The following ANKRD36C variants were observed in gnomAD, a reference collection of about 807,000 sequenced individuals.
ANKRD36C encodes ankyrin repeat domain-containing protein 36C.
Under a neutral mutation model 276.4 loss-of-function variants are expected in ANKRD36C, and 61 were observed. The observed-to-expected ratio is 0.22, with a 90% CI of 0.18 to 0.27. The LOEUF is 0.27. Among genes scored for constraint, ANKRD36C ranks in the 10% least tolerant of loss-of-function variants. The pLI is 1.00. For missense variants in ANKRD36C, 1,447 were observed against 2,032.3 expected, an observed-to-expected ratio of 0.71 and a Z score of 5.54; for synonymous variants, 483 against 680.1, an observed-to-expected ratio of 0.71 and a Z score of 4.51.
intron 38 of ANKRD36C, among the ~76,000 whole-genome samples, chr2:95,914,879 C>T (rs1380749960): frequency 6.6e-6 from 1 of 151,508 alleles, no homozygotes; most frequent in Non-Finnish European, 1.5e-5. Context: ...TTCATTATCT[C>T]TCACACCCAT....
chr2:95,945,372 C>T (rs76125548), intron 17 of ANKRD36C, among the ~76,000 whole-genome samples, 198 bp from the exon 18 acceptor site: 73 of 144,180 alleles, frequency 5.1e-4, no homozygotes, highest in Non-Finnish European at 7.5e-4. Context: ...TACAGATATT[C>T]TCAAAATGTT....
At position 95,867,689 on chromosome 2, in the gene ANKRD36C, G is replaced by T; in HGVS notation, c.3541-108C>A. On this transcript the variant is annotated intron_variant, in intron 59 of 66. Transcript: ENST00000456556. Reference sequence around the variant, plus strand: ...TCTGTTTATATGAGCACAAACACAGGTACCTGTTCTGTACTTTTTTTTTAA... The same window carrying T: ...TCTGTTTATATGAGCACAAACACAGTTACCTGTTCTGTACTTTTTTTTTAA... 8 of 1,512,692 alleles carry T rather than the reference G, an allele frequency of 5.3e-6. No homozygotes were observed. In the South Asian group the frequency reaches 8.9e-5, roughly 17 times the overall value. The allele number at this position is 1,512,692 out of a possible 1,614,324, so 93.7% of individuals were successfully genotyped here. A position where few individuals can be genotyped will look rare whatever the true frequency, so the allele number is the denominator to read the frequency against.
At position 95,914,071 on chromosome 2, in the gene ANKRD36C, C is replaced by A. The variant is rs766791198; in HGVS notation, c.2551+37G>T. 1.1e-5 allele frequency: 16 copies of A among 1,521,936 alleles called. No individual in the cohort carries two copies. The African/African-American group carries it at 1.8e-4, about 17-fold the overall frequency. The allele number at this position is 1,521,936 out of a possible 1,614,324, so 94.3% of individuals were successfully genotyped here. ...AGGGAAGAGAATTTCTTATCTATCT[C>A]GACTGATCATGACATTAAATCTCTT... On this transcript the variant is annotated intron_variant, in intron 40 of 66. Transcript: ENST00000456556.
exon 63 of ANKRD36C, chr2:95,855,278 T>G (rs1675381982): frequency 6.3e-7 from 1 of 1,590,082 alleles, no homozygotes; most frequent in Non-Finnish European, 8.5e-7. Context: ...CTCTTTCTGC[T>G]TTCTCTTTTT....
intron 62 of ANKRD36C, 79 bp from the exon 83 acceptor site, chr2:95,856,259 C>T: frequency 2.5e-6 from 4 of 1,584,504 alleles, no homozygotes; most frequent in Non-Finnish European, 3.4e-6. Flanking sequence ...TAAATAATAA[C>T]CCGAACATTT....
At chr2:95,857,214 T>G (rs1675434296) in intron 62 of ANKRD36C, 95 bp downstream of exon 82, 1 of 1,379,846 alleles carries the variant, frequency 7.2e-7, no homozygotes, top group African/African-American at 1.5e-5. Context: ...ATTTGGGGAT[T>G]GTTCAGGCCT....
intron 6 of ANKRD36C, among the ~76,000 whole-genome samples, chr2:95,970,007 C>T (rs1255485737): frequency 2.0e-5 from 3 of 152,086 alleles, no homozygotes; most frequent in African/African-American, 7.2e-5. Flanking sequence ...ATCTATCCCC[C>T]ATGTGTAAGA....
At chr2:95,863,970 C>T (rs1281862158) in intron 60 of ANKRD36C, among the ~76,000 whole-genome samples, 9 of 151,938 alleles carry the variant, frequency 5.9e-5, no homozygotes, top group South Asian at 4.1e-4. Context: ...AAATTATGGG[C>T]TTGGGGTGAT....
At chr2:95,912,586 G>A (rs1462810345) in intron 40 of ANKRD36C, among the ~76,000 whole-genome samples, 151 bp from the exon 43 acceptor site, 1 of 151,360 alleles carries the variant, frequency 6.6e-6, no homozygotes, top group Non-Finnish European at 1.5e-5. Flanking sequence ...ACCAGAACGT[G>A]ACAGAAACAC....
chr2:95,919,416 T>C (rs1158913108), intron 34 of ANKRD36C, among the ~76,000 whole-genome samples: 2 of 133,290 alleles, frequency 1.5e-5, no homozygotes, highest in Non-Finnish European at 1.7e-5. Context: ...CTTCCACCCT[T>C]AGTGAAACCA....
At chr2:95,875,102 C>G (rs1314157717) in intron 59 of ANKRD36C, among the ~76,000 whole-genome samples, 1 of 152,156 alleles carries the variant, frequency 6.6e-6, no homozygotes, top group East Asian at 1.9e-4. Flanking sequence ...CTAGTTCAAC[C>G]ATTGTGGAAG....
chr2:95,871,540 C>A (rs920082651), intron 59 of ANKRD36C, among the ~76,000 whole-genome samples: 1 of 151,922 alleles, frequency 6.6e-6, no homozygotes, highest in African/African-American at 2.4e-5. Context: ...AAGGAACAAC[C>A]GGTACCAGCC....
At chr2:95,883,050 T>A (rs1223267708) in intron 54 of ANKRD36C, among the ~76,000 whole-genome samples, 2 of 152,116 alleles carry the variant, frequency 1.3e-5, no homozygotes, top group African/African-American at 4.8e-5. Context: ...GTTTGGATAA[T>A]CCTGTATACA....
intron 20 of ANKRD36C, among the ~76,000 whole-genome samples, chr2:95,939,861 A>G (rs1426001896): frequency 6.6e-6 from 1 of 152,270 alleles, no homozygotes; most frequent in East Asian, 1.9e-4. Flanking sequence ...CAGCTTCTGG[A>G]TTCTCAACTT....
chr2:95,967,251 C>A (rs1038035465), intron 6 of ANKRD36C, among the ~76,000 whole-genome samples: 3 of 152,066 alleles, frequency 2.0e-5, no homozygotes, highest in African/African-American at 7.2e-5. Flanking sequence ...GTCCATCTGA[C>A]AAAGGCCTAA....
At chr2:95,878,161 G>A (rs1457832404) in intron 58 of ANKRD36C, among the ~76,000 whole-genome samples, 2 of 147,466 alleles carry the variant, frequency 1.4e-5, no homozygotes, top group Admixed American at 6.8e-5. Flanking sequence ...TCCAGGCTGG[G>A]AGACAGAGCA....
chr2:95,973,327 G>A (rs183583388), intron 6 of ANKRD36C, among the ~76,000 whole-genome samples: 14 of 151,602 alleles, frequency 9.2e-5, no homozygotes, highest in South Asian at 6.2e-4. Flanking sequence ...CAGGAGAAGC[G>A]CTTGAACCCA....
Position 95,912,334 on chromosome 2 carries a change from C to A in ANKRD36C, c.2581-18G>T, listed in dbSNP as rs1676954373. Reference sequence around the variant, plus strand: ...CTTGTAGCCTGAATGGAATTTGAAACAAAATAATAAATAAGGTATGTTTCA... The same window carrying A: ...CTTGTAGCCTGAATGGAATTTGAAAAAAAATAATAAATAAGGTATGTTTCA... On this transcript the variant is annotated intron_variant, in intron 41 of 66. Transcript: ENST00000456556. 2 of 1,594,766 alleles carry A rather than the reference C, an allele frequency of 1.3e-6. No homozygotes were observed. Among genetic ancestry groups the A allele is most frequent in the Non-Finnish European group, 1.7e-6 (2 of 1,172,524 alleles).
intron 24 of ANKRD36C, among the ~76,000 whole-genome samples, chr2:95,934,570 C>G (rs1399952787): frequency 6.6e-6 from 1 of 152,192 alleles, no homozygotes; most frequent in Non-Finnish European, 1.5e-5. Context: ...CACATGGACA[C>G]AGGGAGGGGA....
Sources: allele counts gnomAD v4.1 joint callset (sites outside exome capture counted in the v4.1 genomes callset), GRCh38; gene constraint gnomAD v4.1.1; transcripts MANE v1.5; gene names NCBI Gene and HGNC (gene_info 2026-07-23, HGNC 2026-07-21).